The following HS6ST3 variants were observed in gnomAD, a reference collection of about 807,000 sequenced individuals.
HS6ST3 encodes heparan-sulfate 6-O-sulfotransferase 3.
Under a neutral mutation model 36.7 loss-of-function variants are expected in HS6ST3, and 12 were observed. That is an observed-to-expected ratio of 0.33 (90% CI 0.21 to 0.53). The LOEUF is 0.53. Among genes scored for constraint, HS6ST3 ranks in the 20% least tolerant of loss-of-function variants. The pLI is 0.95. For synonymous variants in HS6ST3, 240 were observed against 257.5 expected, an observed-to-expected ratio of 0.93 and a Z score of 0.65; for missense variants, 584 against 640.9, an observed-to-expected ratio of 0.91 and a Z score of 0.96.
chr13:96,308,339 A>G lies in HS6ST3; in HGVS notation c.707+216770A>G, dbSNP rs144486230. Among the ~76,000 whole-genome samples the G allele has an allele frequency of 2.7e-3, 405 of 152,234 alleles. 3 individuals are homozygous for G. The highest frequency in any genetic ancestry group is 9.3e-3 in the African/African-American group (387 of 41,580). On this transcript the variant is annotated intron_variant, in intron 1 of 1. Transcript: ENST00000376705. ...CATTTCATTTCTTCCTAGTCAAATA[A>G]TTATAATTAGACAGAGAATATTTAT...
At chr13:96,692,216 G>C (rs1874983311) in intron 1 of HS6ST3, among the ~76,000 whole-genome samples, 1 of 152,008 alleles carries the variant, frequency 6.6e-6, no homozygotes, top group Non-Finnish European at 1.5e-5. Flanking sequence ...GTATCTATGA[G>C]GGATTGGTTT....
At chr13:96,768,184 CTT>C (rs964607386) in intron 1 of HS6ST3, among the ~76,000 whole-genome samples, 3 of 152,202 alleles carry the variant, frequency 2.0e-5, no homozygotes, top group African/African-American at 7.2e-5. Context: ...CTCCTCCTCT[CTT>C]TGTTTACCTT....
At chr13:96,163,172 T>A (rs2054144100) in intron 1 of HS6ST3, among the ~76,000 whole-genome samples, 1 of 151,380 alleles carries the variant, frequency 6.6e-6, no homozygotes, top group Non-Finnish European at 1.5e-5. Context: ...GTAAGTACAA[T>A]ATTTTTTCTG....
intron 1 of HS6ST3, among the ~76,000 whole-genome samples, chr13:96,209,652 C>T (rs1479737160): frequency 6.6e-6 from 1 of 152,150 alleles, no homozygotes; most frequent in African/African-American, 2.4e-5. Context: ...CTGCCACCTG[C>T]CCCACCTCTC....
intron 1 of HS6ST3, among the ~76,000 whole-genome samples, chr13:96,603,703 A>C (rs938452637): frequency 1.3e-5 from 2 of 152,202 alleles, no homozygotes; most frequent in African/African-American, 4.8e-5. Context: ...TATAGAAGAG[A>C]ATATTTTTAA....
chr13:96,154,742 T>C (rs1337517782), intron 1 of HS6ST3, among the ~76,000 whole-genome samples: 1 of 152,142 alleles, frequency 6.6e-6, no homozygotes, highest in East Asian at 1.9e-4. Context: ...ATGTATTTTT[T>C]CTCTTTCTAG....
chr13:96,114,720 T>G (rs2139302245), intron 1 of HS6ST3, among the ~76,000 whole-genome samples: 1 of 152,340 alleles, frequency 6.6e-6, no homozygotes, highest in Middle Eastern at 3.4e-3. Flanking sequence ...AGTATACTGT[T>G]GCTTTTCATA....
chr13:96,364,367 A>G (rs2055253287), intron 1 of HS6ST3, among the ~76,000 whole-genome samples: 1 of 152,212 alleles, frequency 6.6e-6, no homozygotes, highest in Non-Finnish European at 1.5e-5. Context: ...CAACGCATGA[A>G]TGGATAGAGA....
chr13:96,649,399 C>T lies in HS6ST3; in HGVS notation c.708-183091C>T, dbSNP rs184069119. On this transcript the variant is annotated intron_variant, in intron 1 of 1. Coordinates refer to ENST00000376705, the MANE Select transcript of HS6ST3 (RefSeq NM_153456.4). ...GAGAATACCATGATTCAATTATCTCCACCTGGTCCCTCCCATGACACATGG... is the reference window on the plus strand; with the variant it reads ...GAGAATACCATGATTCAATTATCTCTACCTGGTCCCTCCCATGACACATGG... Among the ~76,000 whole-genome samples, 81 of 152,142 alleles carry T rather than the reference C, an allele frequency of 5.3e-4. No homozygotes were observed. In the East Asian group the frequency reaches 6.0e-3, roughly 11 times the overall value.
At chr13:96,818,280 G>A (rs749792636) in intron 1 of HS6ST3, among the ~76,000 whole-genome samples, 2 of 152,212 alleles carry the variant, frequency 1.3e-5, no homozygotes, top group African/African-American at 4.8e-5. Flanking sequence ...TTGCAGCTTC[G>A]GAGCCACTGC....
intron 1 of HS6ST3, among the ~76,000 whole-genome samples, chr13:96,761,695 A>G (rs1285714875): frequency 1.3e-5 from 2 of 152,152 alleles, no homozygotes; most frequent in South Asian, 2.1e-4. Context: ...CCCATAAACA[A>G]TATGTAGTAT....
At chr13:96,296,230 A>G (rs894181763) in intron 1 of HS6ST3, among the ~76,000 whole-genome samples, 1 of 152,132 alleles carries the variant, frequency 6.6e-6, no homozygotes, top group South Asian at 2.1e-4. Flanking sequence ...AGACTGACCT[A>G]TACACTACAG....
intron 1 of HS6ST3, among the ~76,000 whole-genome samples, chr13:96,214,123 A>G (rs1044745183): frequency 4.6e-5 from 7 of 152,216 alleles, no homozygotes; most frequent in Non-Finnish European, 7.3e-5. Context: ...CTACATATGC[A>G]TGTATGTCTA....
intron 1 of HS6ST3, among the ~76,000 whole-genome samples, chr13:96,550,127 T>C (rs1420507182): frequency 1.3e-5 from 2 of 152,162 alleles, no homozygotes; most frequent in African/African-American, 2.4e-5. Context: ...GTGTGTCCCC[T>C]CCAAATTGCA....
At chr13:96,175,556 T>G (rs186406276) in intron 1 of HS6ST3, among the ~76,000 whole-genome samples, 141 of 152,182 alleles carry the variant, frequency 9.3e-4, no homozygotes, top group African/African-American at 3.3e-3. Flanking sequence ...CCTGAAATTC[T>G]TATTAGATAG....
chr13:96,506,507 T>G (rs1000556135), intron 1 of HS6ST3, among the ~76,000 whole-genome samples: 2 of 152,198 alleles, frequency 1.3e-5, no homozygotes, highest in African/African-American at 2.4e-5. Flanking sequence ...ATTCATCTCT[T>G]AAATAGGATA....
rs1878913883 is a variant in HS6ST3, at chr13:96,835,815, A to G, written c.*2617A>G. The G allele has an allele frequency of 6.6e-6, 1 of 152,254 alleles. No individual in the cohort carries two copies. The highest frequency in any genetic ancestry group is 1.5e-5 in the Non-Finnish European group (1 of 68,054). 9.4% of individuals were successfully genotyped at this position (152,254 alleles called of 1,614,324 possible). On this transcript the variant is annotated 3_prime_UTR_variant, in exon 2 of 2. Coordinates refer to ENST00000376705, the MANE Select transcript of HS6ST3 (RefSeq NM_153456.4). ...CTCGGGATTGGTATCAAAGGCTTCC[A>G]CTGCCTTCTGCTGAAGGCATGATGT...
At chr13:96,575,076 T>C (rs1024243263) in intron 1 of HS6ST3, among the ~76,000 whole-genome samples, 2 of 152,216 alleles carry the variant, frequency 1.3e-5, no homozygotes. Context: ...TCAAGACTTC[T>C]GGATGGAGAC....
At chr13:96,768,709 AG>A (rs1305006077) in intron 1 of HS6ST3, among the ~76,000 whole-genome samples, 1 of 152,064 alleles carries the variant, frequency 6.6e-6, no homozygotes, top group Non-Finnish European at 1.5e-5. Context: ...CTCTTCAGTT[AG>A]CATGCAAATG....
Sources: gnomAD v4.1 joint callset for allele counts (sites outside exome capture counted in the v4.1 genomes callset) on GRCh38, gnomAD v4.1.1 for gene constraint, MANE v1.5 for transcripts, NCBI Gene and HGNC (gene_info 2026-07-23, HGNC 2026-07-21) for gene names.